The following PEX26 variants were observed in gnomAD, a reference collection of about 807,000 sequenced individuals.
PEX26 encodes the protein peroxisomal biogenesis factor 26.
Under a neutral mutation model 31.4 loss-of-function variants are expected in PEX26, and 18 were observed. That is an observed-to-expected ratio of 0.57 (90% confidence interval 0.40 to 0.85). The LOEUF is 0.85. PEX26 is among the 40% of genes least tolerant of loss of function. The pLI is 0.00. For synonymous variants in PEX26, 176 were observed against 166.9 expected (o/e 1.05, Z -0.42); for missense variants, 377 against 383.9 (o/e 0.98, Z 0.15).
At position 18,095,488 on chromosome 22, in the gene PEX26, C is replaced by T. The variant is rs1006549089; in HGVS notation, c.*7413C>T. On this transcript the variant is annotated 3_prime_UTR_variant, in exon 5 of 5. Coordinates refer to ENST00000399744, the MANE Select transcript of PEX26 (RefSeq NM_001127649.3). ...GAGACATCCTACCCATTCCCAGTCC[C>T]TCTGTGGGCTCTGACATCTCTGTCC... 1.4e-4 allele frequency: 21 copies of T among 152,130 alleles called. No homozygotes were observed. Among genetic ancestry groups the T allele is most frequent in the African/African-American group, 5.1e-4 (21 of 41,436 alleles). 9.4% of individuals were successfully genotyped at this position (152,130 alleles called of 1,614,324 possible).
At chr22:18,080,663 T>C (rs2123649171) in intron 2 of PEX26, among the ~76,000 whole-genome samples, 1 of 152,328 alleles carries the variant, frequency 6.6e-6, no homozygotes, top group East Asian at 1.9e-4. Flanking sequence ...TTGACACTTG[T>C]ACATATTTAT....
Position 18,090,444 on chromosome 22 carries a change from C to G in PEX26, c.*2369C>G, listed in dbSNP as rs971100485. 5 of 152,300 alleles carry G rather than the reference C, an allele frequency of 3.3e-5. No homozygotes were observed. Among genetic ancestry groups the G allele is most frequent in the Admixed American group, 3.3e-4 (5 of 15,286 alleles). 9.4% of individuals were successfully genotyped at this position (152,300 alleles called of 1,614,324 possible). A position where few individuals can be genotyped will look rare whatever the true frequency, so the allele number is the denominator to read the frequency against. On this transcript the variant is annotated 3_prime_UTR_variant, in exon 5 of 5. Coordinates refer to ENST00000399744, the MANE Select transcript of PEX26 (RefSeq NM_001127649.3). Reference sequence around the variant, plus strand: ...GGCTCGCACTGTTCCTACTGAAGGCCTAGCACCTGCTCTTGGCCTGGTGAG... The same window carrying G: ...GGCTCGCACTGTTCCTACTGAAGGCGTAGCACCTGCTCTTGGCCTGGTGAG...
At position 18,088,653 on chromosome 22, in the gene PEX26, A is replaced by G. The variant is rs150745941; in HGVS notation, c.*578A>G. The G allele has an allele frequency of 2.7e-4, 53 of 196,982 alleles. No homozygotes were observed. Among genetic ancestry groups the G allele is most frequent in the African/African-American group, 1.1e-3 (48 of 42,906 alleles). 12.2% of individuals were successfully genotyped at this position (196,982 alleles called of 1,614,324 possible). On this transcript the variant is annotated 3_prime_UTR_variant, in exon 5 of 5. Coordinates refer to ENST00000399744, the MANE Select transcript of PEX26 (RefSeq NM_001127649.3). This position sits in a 1 kb window ranked among gnomAD's most constrained non-coding sequence, Gnocchi z 4.1. The stretch of plus-strand genomic sequence containing the variant: ...AATTAGCTAGATGTGGTGCACGCCT[A>G]TAGTCCTAGCTACTTGGGAGGCTGA...
In PEX26 at chr22:18,085,278, C is replaced by T; in HGVS notation, c.814+20C>T. On this transcript the variant is annotated intron_variant, in intron 4 of 4. Transcript: ENST00000399744. ...ATCCAGGTAAGAGGTGGAGACTCTC[C>T]CCTGTCCTTCCTGGGAAGGGGTTGT... 1 of 1,613,496 alleles carries T rather than the reference C, an allele frequency of 6.2e-7. No homozygotes were observed.
rs939375682 is a variant in PEX26 at position 18,097,847 on chromosome 22, T to C, written c.*9772T>C. On this transcript the variant is annotated 3_prime_UTR_variant, in exon 5 of 5. Transcript: ENST00000399744. ...TAAGCCACCACACCCAGATGATTTT[T>C]TTATTTTTCAAAGAAGTGGCATGAT... 6.6e-6 allele frequency: 1 copy of C among 152,240 alleles called. No homozygotes were observed. Among genetic ancestry groups the C allele is most frequent in the Non-Finnish European group, 1.5e-5 (1 of 68,052 alleles). 9.4% of individuals were successfully genotyped at this position (152,240 alleles called of 1,614,324 possible).
rs527797061 is a variant in PEX26 at position 18,092,744 on chromosome 22, G to A, written c.*4669G>A. ...CACCTATAATCCCAGCACTTTGGGA[G>A]GCCAGAGTGGGAGGATTGCTTGAGC... On this transcript the variant is annotated 3_prime_UTR_variant, in exon 5 of 5. Transcript: ENST00000399744. 6.1e-5 allele frequency: 8 copies of A among 130,556 alleles called. No individual in the cohort carries two copies. In the East Asian group the frequency reaches 1.6e-3, roughly 27 times the overall value. The allele number at this position is 130,556 out of a possible 1,614,324, so 8.1% of individuals were successfully genotyped here.
intron 3 of PEX26, among the ~76,000 whole-genome samples, chr22:18,084,237 C>CTCTTTTTTT (rs1556589212): frequency 2.1e-5 from 2 of 95,320 alleles, no homozygotes; most frequent in Non-Finnish European, 2.1e-5. Flanking sequence ...ATCTCTCTCT[C>CTCTTTTTTT]TTTTTTTTTT....
rs1927414423 is a variant in PEX26 at position 18,100,274 on chromosome 22, T to C, written c.*12199T>C. On this transcript the variant is annotated 3_prime_UTR_variant, in exon 5 of 5. Transcript: ENST00000399744. Reference sequence around the variant, plus strand: ...ATTTTTAGTAGAGGCAGGGTTTCGCTGTGTTGGCCAGACTGGTCTCAAACT... The same window carrying C: ...ATTTTTAGTAGAGGCAGGGTTTCGCCGTGTTGGCCAGACTGGTCTCAAACT... 1 of 152,060 alleles carries C rather than the reference T, an allele frequency of 6.6e-6. No homozygotes were observed. Among genetic ancestry groups the C allele is most frequent in the African/African-American group, 2.4e-5 (1 of 41,390 alleles). 9.4% of individuals were successfully genotyped at this position (152,060 alleles called of 1,614,324 possible).
chr22:18,078,307 A>T lies in PEX26; in HGVS notation c.-70A>T, dbSNP rs1408445093. ...CCCTCTTCGCCCAGGCCAACTCGGG[A>T]TATCCCGGAGCCTCTGGGGAGGCGG... On this transcript the variant is annotated 5_prime_UTR_variant, in exon 1 of 5. Transcript: ENST00000399744. 3 of 1,132,816 alleles carry T rather than the reference A, an allele frequency of 2.6e-6. No homozygotes were observed. The South Asian group carries it at 3.9e-5, about 15-fold the overall frequency. The allele number at this position is 1,132,816 out of a possible 1,614,324, so 70.2% of individuals were successfully genotyped here.
At position 18,096,937 on chromosome 22, in the gene PEX26, G is replaced by T. The variant is rs1927314443; in HGVS notation, c.*8862G>T. ...GTTTAACTGACTCACAGTTCTGCAT[G>T]GCTGTGAGGCCTCAGGAAACAAGCA... On this transcript the variant is annotated 3_prime_UTR_variant, in exon 5 of 5. Coordinates refer to ENST00000399744, the MANE Select transcript of PEX26 (RefSeq NM_001127649.3). 6.6e-6 allele frequency: 1 copy of T among 152,216 alleles called. No homozygotes were observed. Among genetic ancestry groups the T allele is most frequent in the Non-Finnish European group, 1.5e-5 (1 of 68,080 alleles). The allele number at this position is 152,216 out of a possible 1,614,324, so 9.4% of individuals were successfully genotyped here.
rs767807333 is a variant in PEX26, at chr22:18,091,741, G to A, written c.*3666G>A. The A allele has an allele frequency of 2.0e-5, 3 of 152,270 alleles. No individual in the cohort carries two copies. The highest frequency in any genetic ancestry group is 7.2e-5 in the African/African-American group (3 of 41,470). The allele number at this position is 152,270 out of a possible 1,614,324, so 9.4% of individuals were successfully genotyped here. On this transcript the variant is annotated 3_prime_UTR_variant, in exon 5 of 5. Coordinates refer to ENST00000399744, the MANE Select transcript of PEX26 (RefSeq NM_001127649.3). Reference sequence around the variant, plus strand: ...CATTCCGTTGCGTGATGGGGTCACAGAGCACAGACCTGGTGCCCTTTTCCT... The same window carrying A: ...CATTCCGTTGCGTGATGGGGTCACAAAGCACAGACCTGGTGCCCTTTTCCT...
chr22:18,078,994 G>T, intron 1 of PEX26: 2 of 380,982 alleles, frequency 5.2e-6, no homozygotes, highest in Non-Finnish European at 1.0e-5. Context: ...GGGAATGGGG[G>T]TCATGGCAGG....
chr22:18,101,765 TCTC>T lies in PEX26; in HGVS notation c.*13691_*13693del, dbSNP rs1321711361. 4.4e-6 allele frequency: 1 copy of T among 224,862 alleles called. No individual in the cohort carries two copies. Among genetic ancestry groups the T allele is most frequent in the Non-Finnish European group, 8.7e-6 (1 of 114,714 alleles). 13.9% of individuals were successfully genotyped at this position (224,862 alleles called of 1,614,324 possible). On this transcript the variant is annotated 3_prime_UTR_variant, in exon 5 of 5. Coordinates refer to ENST00000399744, the MANE Select transcript of PEX26 (RefSeq NM_001127649.3). ...TCATCCTGCATGTGGGCAAGTCAGC[TCTC>T]TGATGGATGGTGCAATTTCCTTGGT...
rs1295048687 is a variant in PEX26 at position 18,097,613 on chromosome 22, A to G, written c.*9538A>G. On this transcript the variant is annotated 3_prime_UTR_variant, in exon 5 of 5. Coordinates refer to ENST00000399744, the MANE Select transcript of PEX26 (RefSeq NM_001127649.3). Reference sequence around the variant, plus strand: ...TTCCAGAGGTAAATTTAATACACCAATACAAAACCAGTATGGATATAGATC... The same window carrying G: ...TTCCAGAGGTAAATTTAATACACCAGTACAAAACCAGTATGGATATAGATC... 1.3e-5 allele frequency: 2 copies of G among 152,028 alleles called. No individual in the cohort carries two copies. Among genetic ancestry groups the G allele is most frequent in the East Asian group, 3.9e-4 (2 of 5,186 alleles). The allele number at this position is 152,028 out of a possible 1,614,324, so 9.4% of individuals were successfully genotyped here.
intron 4 of PEX26, among the ~76,000 whole-genome samples, chr22:18,085,622 G>A (rs913498102): frequency 6.6e-6 from 1 of 152,182 alleles, no homozygotes; most frequent in Admixed American, 6.5e-5. Context: ...TGTAATCCCA[G>A]CACTTTGGGA....
chr22:18,079,353 C>A, intron 1 of PEX26: 1 of 394,878 alleles, frequency 2.5e-6, no homozygotes, highest in Non-Finnish European at 3.4e-6. Flanking sequence ...GAAGGATGAT[C>A]TGGAGAGCCC....
At chr22:18,087,919 A>G in intron 4 of PEX26, 53 bp from the exon 5 acceptor site, 1 of 1,144,168 alleles carries the variant, frequency 8.7e-7, no homozygotes, top group Non-Finnish European at 1.3e-6. Flanking sequence ...GAGATGGCAG[A>G]GTGACAGGTG....
rs1182494529 is a variant in PEX26, at chr22:18,101,246, A to T, written c.*13171A>T. 6.6e-6 allele frequency: 1 copy of T among 152,192 alleles called. No individual in the cohort carries two copies. Among genetic ancestry groups the T allele is most frequent in the Admixed American group, 6.5e-5 (1 of 15,268 alleles). 9.4% of individuals were successfully genotyped at this position (152,192 alleles called of 1,614,324 possible). ...TTCACATGTAGTTTTTAGGTAAAGG[A>T]CATCTCTTTCAGTTGATTCCTACAG... On this transcript the variant is annotated 3_prime_UTR_variant, in exon 5 of 5. Transcript: ENST00000399744.
In PEX26 at chr22:18,085,185, C is replaced by A. The variant is rs1926792159; in HGVS notation, c.741C>A (p.Phe247Leu). 2 of 1,614,064 alleles carry A rather than the reference C, an allele frequency of 1.2e-6. No individual in the cohort carries two copies. The highest frequency in any genetic ancestry group is 1.7e-5 in the Admixed American group (1 of 59,996). The change falls in exon 4 of 5, where the codon TTC (phenylalanine) becomes TTA (leucine). Residue 247 changes from phenylalanine (F) to leucine (L), a missense_variant. By Grantham distance (22) the Phe-to-Leu change is conservative. Coordinates refer to ENST00000399744, the MANE Select transcript of PEX26 (RefSeq NM_001127649.3). The part of the protein sequence containing the change: ...RQLWDSAVSH[F>L]FSLPFKKSLL... Reference sequence around the variant, plus strand: ...TTTGGGACTCTGCGGTGAGCCACTTCTTTTCTCTGCCCTTCAAAAAGAGTC... The same window carrying A: ...TTTGGGACTCTGCGGTGAGCCACTTATTTTCTCTGCCCTTCAAAAAGAGTC...
Sources: gnomAD v4.1 joint callset for allele counts (sites outside exome capture counted in the v4.1 genomes callset) on GRCh38, gnomAD v4.1.1 for gene constraint, Gnocchi (gnomAD v3.1) non-coding constraint, MANE v1.5 for transcripts, NCBI Gene and HGNC (gene_info 2026-07-23, HGNC 2026-07-21) for gene names.